Variants in PPFIA2 observed in about 807,000 individuals in gnomAD.
The protein encoded by PPFIA2 is liprin-alpha-2.
In PPFIA2, 46 loss-of-function variants were observed where a neutral mutation model predicts 175.5. The observed-to-expected ratio is 0.26, with a 90% CI of 0.21 to 0.34. The LOEUF (loss-of-function observed/expected upper bound fraction) is 0.34, where lower values mean the gene tolerates loss of function less well. PPFIA2 is among the 10% of genes least tolerant of loss of function. PPFIA2 has a pLI of 1.00. For synonymous variants in PPFIA2, 568 were observed against 511.4 expected (o/e 1.11, Z -1.49); for missense variants, 1,179 against 1,506.1 (o/e 0.78, Z 3.60).
At chr12:81,707,696 C>G (rs1284566030) in intron 3 of PPFIA2, among the ~76,000 whole-genome samples, 1 of 151,070 alleles carries the variant, frequency 6.6e-6, no homozygotes, top group African/African-American at 2.4e-5. Flanking sequence ...GACTATAAAT[C>G]ATGCTGCTAT....
chr12:81,693,705 C>T (rs2075537653), intron 3 of PPFIA2, among the ~76,000 whole-genome samples: 1 of 152,054 alleles, frequency 6.6e-6, no homozygotes, highest in African/African-American at 2.4e-5. Context: ...GTTTGGAGGG[C>T]TCAGAAGAAT....
In PPFIA2 at chr12:81,358,152, T is replaced by A; in HGVS notation, c.1703A>T (p.Asp568Val). The change falls in exon 16 of 33, where the codon GAT becomes GTT. Residue 568 changes from aspartate (D) to valine (V), a missense_variant. By Grantham distance (152) the Asp-to-Val change is radical. Coordinates refer to ENST00000549396, the MANE Select transcript of PPFIA2 (RefSeq NM_003625.5). The stretch of plus-strand genomic sequence containing the variant: ...TCTTATTACTTTAGTTGTTCTGTAA[T>A]CAGACTGGCTGTCCACTAGGGATCC... The part of the protein sequence containing the change: ...SVGSLVDSQS[D>V]YRTTKVIRRP... 1 of 1,599,756 alleles carries A rather than the reference T, an allele frequency of 6.3e-7. No homozygotes were observed. Among genetic ancestry groups the A allele is most frequent in the Non-Finnish European group, 8.5e-7 (1 of 1,172,538 alleles).
intron 9 of PPFIA2, among the ~76,000 whole-genome samples, chr12:81,382,466 A>G (rs1487521252): frequency 6.6e-6 from 1 of 152,178 alleles, no homozygotes; most frequent in Non-Finnish European, 1.5e-5. Flanking sequence ...ACGCATGAGC[A>G]GGAAGACCAG....
intron 28 of PPFIA2, among the ~76,000 whole-genome samples, chr12:81,271,919 G>T (rs1033599963): frequency 1.3e-5 from 2 of 150,280 alleles, no homozygotes; most frequent in African/African-American, 2.5e-5. Flanking sequence ...TTTTCTATTT[G>T]TTTTTTTTCT....
Position 81,263,232 on chromosome 12 carries a change from A to G in PPFIA2, c.3714T>C (p.Asp1238=), listed in dbSNP as rs749556765. The change falls in exon 31 of 33, where the codon GAT becomes GAC. Residue 1238 remains aspartate (D), a splice_region_variant and synonymous_variant. Coordinates refer to ENST00000549396, the MANE Select transcript of PPFIA2 (RefSeq NM_003625.5). Reference sequence around the variant, plus strand: ...AGCAGCAATGCAAAACTACTGTACCATCTGTTGTCATTTTTCTTGACTGCC... The same window carrying G: ...AGCAGCAATGCAAAACTACTGTACCGTCTGTTGTCATTTTTCTTGACTGCC... The part of the protein sequence containing the change: ...TSGQSRKMTT[D]VASSRLQRLD... 2.5e-6 allele frequency: 4 copies of G among 1,603,960 alleles called. No homozygotes were observed. The highest frequency in any genetic ancestry group is 3.4e-6 in the Non-Finnish European group (4 of 1,173,734).
At chr12:81,522,473 C>T (rs1251692877) in intron 4 of PPFIA2, among the ~76,000 whole-genome samples, 1 of 152,040 alleles carries the variant, frequency 6.6e-6, no homozygotes, top group Non-Finnish European at 1.5e-5. Context: ...GATTTAAATA[C>T]AAAAATTTGA....
chr12:81,308,049 T>C (rs1339942980), intron 22 of PPFIA2, among the ~76,000 whole-genome samples: 1 of 152,234 alleles, frequency 6.6e-6, no homozygotes, highest in African/African-American at 2.4e-5. Context: ...GTATCTATTA[T>C]ACTTGTACTT....
intron 3 of PPFIA2, among the ~76,000 whole-genome samples, chr12:81,711,110 C>T (rs1246588265): frequency 1.3e-5 from 2 of 151,074 alleles, no homozygotes; most frequent in Non-Finnish European, 2.9e-5. Flanking sequence ...CATCTGTGGT[C>T]CCAGTGACTT....
intron 4 of PPFIA2, among the ~76,000 whole-genome samples, chr12:81,521,105 T>C (rs1241310066): frequency 6.6e-6 from 1 of 152,004 alleles, no homozygotes; most frequent in East Asian, 1.9e-4. Context: ...AGTGAGGTCC[T>C]AAATATTCAC....
intron 4 of PPFIA2, among the ~76,000 whole-genome samples, chr12:81,520,527 C>T (rs1438857816): frequency 6.6e-6 from 1 of 152,168 alleles, no homozygotes; most frequent in African/African-American, 2.4e-5. Flanking sequence ...AACACTTGTT[C>T]TTTCCTTCCT....
intron 10 of PPFIA2, 62 bp from the exon 11 acceptor site, chr12:81,374,830 C>A: frequency 6.8e-7 from 1 of 1,474,974 alleles, no homozygotes; most frequent in South Asian, 1.3e-5. Flanking sequence ...AAACACCAGT[C>A]GCCAGGGGCT....
chr12:81,705,422 C>T (rs548035838), intron 3 of PPFIA2, among the ~76,000 whole-genome samples: 41 of 145,268 alleles, frequency 2.8e-4, no homozygotes, highest in African/African-American at 9.9e-4. Flanking sequence ...CACCACTGCA[C>T]TCCAGCCTGG....
At chr12:81,319,836 T>C (rs1035418283) in intron 22 of PPFIA2, among the ~76,000 whole-genome samples, 7 of 151,946 alleles carry the variant, frequency 4.6e-5, no homozygotes, top group African/African-American at 1.4e-4. Context: ...CTCTGTTGTT[T>C]CTGTAATCTG....
intron 4 of PPFIA2, among the ~76,000 whole-genome samples, chr12:81,608,008 T>C (rs556660236): frequency 9.9e-5 from 15 of 152,226 alleles, no homozygotes; most frequent in South Asian, 4.1e-4. Flanking sequence ...CATGAAGAGA[T>C]GTTGAATTTT....
chr12:81,660,896 C>G (rs1045604452), intron 4 of PPFIA2, among the ~76,000 whole-genome samples: 1 of 152,150 alleles, frequency 6.6e-6, no homozygotes, highest in Non-Finnish European at 1.5e-5. Flanking sequence ...CAATATTCAA[C>G]ATTCTTAAAG....
At chr12:81,627,837 T>C (rs1311829563) in intron 4 of PPFIA2, among the ~76,000 whole-genome samples, 2 of 152,118 alleles carry the variant, frequency 1.3e-5, no homozygotes, top group East Asian at 3.9e-4. Flanking sequence ...TTTTTTTCCA[T>C]CTAGTAAATG....
chr12:81,423,957 T>C (rs536267972), intron 7 of PPFIA2, among the ~76,000 whole-genome samples: 48 of 151,942 alleles, frequency 3.2e-4, no homozygotes, highest in African/African-American at 1.1e-3. Flanking sequence ...CAAACAACAA[T>C]ATAAAAAGGA....
At chr12:81,353,091 T>C (rs1343149733) in intron 17 of PPFIA2, 28 bp downstream of exon 17, 1 of 1,590,372 alleles carries the variant, frequency 6.3e-7, no homozygotes, top group East Asian at 2.2e-5. Context: ...TCTAATTTCT[T>C]GAAATCATCA....
chr12:81,267,134 G>T (rs2037483906), intron 29 of PPFIA2, 114 bp from the exon 30 acceptor site: 3 of 771,816 alleles, frequency 3.9e-6, no homozygotes, highest in Non-Finnish European at 6.3e-6. Context: ...TATGGGTTTT[G>T]AAGTTTTTAG....
Sources: allele counts gnomAD v4.1 joint callset (sites outside exome capture counted in the v4.1 genomes callset), GRCh38; gene constraint gnomAD v4.1.1; transcripts MANE v1.5; gene names NCBI Gene and HGNC (gene_info 2026-07-23, HGNC 2026-07-21).